The following GPC5 variants were observed in gnomAD, a reference collection of about 807,000 sequenced individuals.
The protein encoded by GPC5 is glypican 5, also known as glypican-5.
A neutral mutation model predicts 53.9 loss-of-function variants in GPC5; 47 were observed. That is an observed-to-expected ratio of 0.87 (90% CI 0.69 to 1.11). GPC5 has a LOEUF of 1.11. Ranked by LOEUF, GPC5 falls within the 50% of genes most tolerant of loss-of-function variation. The pLI, the probability that GPC5 is intolerant of heterozygous loss-of-function variation, is 0.00. For missense variants in GPC5, 748 were observed against 713.1 expected (o/e 1.05, Z -0.56); for synonymous variants, 286 against 263.3 (o/e 1.09, Z -0.84).
intron 5 of GPC5, among the ~76,000 whole-genome samples, chr13:91,802,430 G>A (rs182872783): frequency 4.6e-5 from 7 of 152,272 alleles, no homozygotes; most frequent in Admixed American, 2.6e-4. Flanking sequence ...TAAAGGTACT[G>A]CAGACCCAAA....
chr13:92,724,238 A>T (rs182254380), intron 7 of GPC5, among the ~76,000 whole-genome samples: 130 of 151,720 alleles, frequency 8.6e-4, no homozygotes, highest in Admixed American at 1.9e-3. Context: ...TTAGGTTTTT[A>T]TTTTTAAGCA....
chr13:92,302,866 G>A (rs1420192899), intron 7 of GPC5, among the ~76,000 whole-genome samples: 4 of 152,100 alleles, frequency 2.6e-5, no homozygotes, highest in East Asian at 1.9e-4. Flanking sequence ...CAATAAAACC[G>A]TCCCTCCTTT....
chr13:92,004,491 A>ATATATATATATATATATAG (rs1555303852), intron 6 of GPC5, among the ~76,000 whole-genome samples: 1 of 69,764 alleles, frequency 1.4e-5, no homozygotes, highest in Non-Finnish European at 2.9e-5. Flanking sequence ...TATATATATA[A>ATATATATATATATATATAG]TTACACTATA....
At chr13:92,180,041 G>A (rs537403269) in intron 7 of GPC5, among the ~76,000 whole-genome samples, 19 of 152,290 alleles carry the variant, frequency 1.2e-4, no homozygotes, top group African/African-American at 4.3e-4. Context: ...TCTCTCAGTT[G>A]TGGTGGAATA....
intron 7 of GPC5, among the ~76,000 whole-genome samples, chr13:92,278,186 AGT>A (rs2042889367): frequency 6.6e-6 from 1 of 151,916 alleles, no homozygotes; most frequent in South Asian, 2.1e-4. Context: ...TGGTAAACAA[AGT>A]GTGGTCTACA....
chr13:92,606,118 A>G (rs1884248872), intron 7 of GPC5, among the ~76,000 whole-genome samples: 1 of 152,012 alleles, frequency 6.6e-6, no homozygotes, highest in Admixed American at 6.6e-5. Flanking sequence ...TTTAAGTTCT[A>G]GGGTACATGT....
intron 7 of GPC5, among the ~76,000 whole-genome samples, chr13:92,375,541 G>T (rs2043687360): frequency 6.6e-6 from 1 of 152,100 alleles, no homozygotes; most frequent in Non-Finnish European, 1.5e-5. Flanking sequence ...GCCTCAGCAG[G>T]CTTTGGTTTC....
chr13:92,542,451 G>A (rs1316725792), intron 7 of GPC5, among the ~76,000 whole-genome samples: 1 of 151,808 alleles, frequency 6.6e-6, no homozygotes. Context: ...TTTATCTTTC[G>A]GTGCCTGGCT....
intron 7 of GPC5, among the ~76,000 whole-genome samples, chr13:92,145,637 T>G (rs2041861774): frequency 6.6e-6 from 1 of 152,148 alleles, no homozygotes. Context: ...ATAAGGAATA[T>G]AGGTTCTCCA....
intron 2 of GPC5, among the ~76,000 whole-genome samples, chr13:91,570,757 A>G (rs1346417928): frequency 6.6e-6 from 1 of 152,182 alleles, no homozygotes; most frequent in Non-Finnish European, 1.5e-5. Flanking sequence ...GGTGATTTCC[A>G]AACTCATCAA....
intron 5 of GPC5, among the ~76,000 whole-genome samples, chr13:91,818,416 CATT>C (rs1205855166): frequency 6.6e-6 from 1 of 152,094 alleles, no homozygotes; most frequent in Non-Finnish European, 1.5e-5. Flanking sequence ...ATATAACTGA[CATT>C]ATTAAAAAGA....
intron 7 of GPC5, among the ~76,000 whole-genome samples, chr13:92,473,765 T>C (rs986527901): frequency 1.3e-5 from 2 of 152,114 alleles, no homozygotes; most frequent in African/African-American, 4.8e-5. Flanking sequence ...ACAATAAAAT[T>C]ACTGCTCTAT....
intron 7 of GPC5, among the ~76,000 whole-genome samples, chr13:92,757,760 C>T (rs369540934): frequency 2.6e-4 from 39 of 152,108 alleles, no homozygotes; most frequent in Admixed American, 1.6e-3. Context: ...ATCAGAGAAA[C>T]GCAAATTAAA....
intron 7 of GPC5, among the ~76,000 whole-genome samples, chr13:92,668,012 T>C (rs17188543): frequency 0.22 from 33,729 of 152,096 alleles, 4,385 homozygotes; most frequent in South Asian, 0.36. Context: ...GAGCTATAAA[T>C]GCTTTAAAAT....
At chr13:92,628,266 T>C (rs1316543917) in intron 7 of GPC5, among the ~76,000 whole-genome samples, 1 of 37,002 alleles carries the variant, frequency 2.7e-5, no homozygotes, top group Non-Finnish European at 4.9e-5. Flanking sequence ...TTTTCTTTCT[T>C]TTTTTTTTTT....
At chr13:92,376,200 T>C (rs1435331487) in intron 7 of GPC5, among the ~76,000 whole-genome samples, 3 of 152,210 alleles carry the variant, frequency 2.0e-5, no homozygotes, top group African/African-American at 7.2e-5. Flanking sequence ...CTTTTCAGAA[T>C]CTGGGGCTAA....
chr13:91,561,877 A>G (rs2031281075), intron 2 of GPC5, among the ~76,000 whole-genome samples: 1 of 152,130 alleles, frequency 6.6e-6, no homozygotes. Context: ...ATAGCTACAC[A>G]CCTGGTTAAT....
chr13:91,918,574 T>C (rs2039681581), intron 6 of GPC5, among the ~76,000 whole-genome samples: 3 of 152,212 alleles, frequency 2.0e-5, no homozygotes, highest in Admixed American at 2.0e-4. Context: ...CCTCACCCAC[T>C]AGTAATTTCC....
chr13:92,533,720 C>A (rs753175203), intron 7 of GPC5, among the ~76,000 whole-genome samples: 3 of 152,000 alleles, frequency 2.0e-5, no homozygotes, highest in Non-Finnish European at 4.4e-5. Context: ...GGTATCAAAG[C>A]CATTGCTTTG....
Sources: allele counts gnomAD v4.1 joint callset (sites outside exome capture counted in the v4.1 genomes callset), GRCh38; gene constraint gnomAD v4.1.1; transcripts MANE v1.5; gene names NCBI Gene and HGNC (gene_info 2026-07-23, HGNC 2026-07-21).